Variants in DNAJB6 observed in about 807,000 individuals in gnomAD.
The protein encoded by DNAJB6 is DnaJ heat shock protein family (Hsp40) member B6.
A neutral mutation model predicts 42.7 loss-of-function variants in DNAJB6; 16 were observed. The ratio of observed to expected loss-of-function variants is 0.37; its 90% CI spans 0.25 to 0.57. The LOEUF is 0.57. Among genes scored for constraint, DNAJB6 ranks in the 20% least tolerant of loss-of-function variants. The pLI is 0.74. For synonymous variants in DNAJB6, 170 were observed against 163.5 expected, an observed-to-expected ratio of 1.04 and a Z score of -0.30; for missense variants, 347 against 416.8, an observed-to-expected ratio of 0.83 and a Z score of 1.46.
chr7:157,372,397 C>T (rs1487751930), intron 5 of DNAJB6, among the ~76,000 whole-genome samples: 6 of 152,122 alleles, frequency 3.9e-5, no homozygotes, highest in East Asian at 1.9e-4. Context: ...GCCCTGGGGA[C>T]GTAGAGGAGC....
intron 8 of DNAJB6, among the ~76,000 whole-genome samples, chr7:157,401,746 C>T (rs1301080740): frequency 3.3e-5 from 5 of 152,130 alleles, no homozygotes; most frequent in South Asian, 2.1e-4. Flanking sequence ...AAGAGGTTCC[C>T]GCCTATTAGA....
intron 1 of DNAJB6, among the ~76,000 whole-genome samples, chr7:157,342,052 A>G (rs1798417799): frequency 6.6e-6 from 1 of 152,072 alleles, no homozygotes; most frequent in Admixed American, 6.5e-5. Flanking sequence ...TATTTAGTAG[A>G]GAGTGGGTTT....
chr7:157,391,946 T>C (rs1801364312), intron 8 of DNAJB6, among the ~76,000 whole-genome samples: 1 of 151,598 alleles, frequency 6.6e-6, no homozygotes, highest in South Asian at 2.1e-4. Context: ...CTACAAAAAA[T>C]ATGAAAATTA....
chr7:157,401,373 A>ACCCCG (rs1795512352), intron 8 of DNAJB6, among the ~76,000 whole-genome samples: 1 of 151,380 alleles, frequency 6.6e-6, no homozygotes, highest in Non-Finnish European at 1.5e-5. Flanking sequence ...GCGCCACCAC[A>ACCCCG]CCCCGCTAAT....
chr7:157,384,646 C>T (rs758546424), intron 6 of DNAJB6, among the ~76,000 whole-genome samples: 3 of 152,230 alleles, frequency 2.0e-5, no homozygotes, highest in African/African-American at 7.2e-5. Context: ...AGAGGCTGCA[C>T]TCTCGCGTTG....
chr7:157,382,128 CTTAAGTTTTT>C (rs1800811916), intron 5 of DNAJB6, 108 bp from the exon 6 acceptor site: 1 of 1,184,782 alleles, frequency 8.4e-7, no homozygotes, highest in African/African-American at 1.6e-5. Context: ...GTTAAAACCT[CTTAAGTTTTT>C]TGTTCCTGAA....
intron 2 of DNAJB6, 101 bp downstream of exon 2, chr7:157,358,738 A>G (rs1799433688): frequency 6.6e-6 from 6 of 904,872 alleles, no homozygotes; most frequent in Admixed American, 5.9e-5. Flanking sequence ...CTTTTAATGT[A>G]GTATACCAGT....
At chr7:157,368,889 C>G in intron 5 of DNAJB6, 1 of 201,934 alleles carries the variant, frequency 5.0e-6, no homozygotes, top group Non-Finnish European at 1.0e-5. Flanking sequence ...AGGGGAGAAA[C>G]GTGGAGCTCC....
intron 8 of DNAJB6, among the ~76,000 whole-genome samples, chr7:157,407,712 C>T (rs926892761): frequency 8.5e-5 from 13 of 152,290 alleles, no homozygotes; most frequent in African/African-American, 3.1e-4. Context: ...GACGACACGG[C>T]CCCTTTGAGT....
chr7:157,368,803 G>T, intron 5 of DNAJB6: 1 of 166,264 alleles, frequency 6.0e-6, no homozygotes, highest in Admixed American at 5.7e-5. Context: ...ATTGCCTGGA[G>T]CTTGGGTGAA....
At chr7:157,386,219 A>G (rs1157978255) in intron 8 of DNAJB6, 1 of 978,764 alleles carries the variant, frequency 1.0e-6, no homozygotes, top group Non-Finnish European at 1.2e-6. Flanking sequence ...GCTTAGGTTT[A>G]AAAAAGTAAA....
At chr7:157,346,340 T>TAAAAAA (rs1161351133) in intron 1 of DNAJB6, among the ~76,000 whole-genome samples, 2 of 88,210 alleles carry the variant, frequency 2.3e-5, no homozygotes, top group East Asian at 4.4e-4. Flanking sequence ...AAAAAAAAGT[T>TAAAAAA]AAAGATACAA....
intron 9 of DNAJB6, chr7:157,412,020 C>G (rs1217719413): frequency 6.6e-6 from 1 of 152,206 alleles, no homozygotes; most frequent in East Asian, 1.9e-4. Flanking sequence ...GGCTTTTCCT[C>G]TCATTTGTTT....
intron 3 of DNAJB6, 67 bp downstream of exon 3, chr7:157,363,337 T>A: frequency 1.9e-6 from 2 of 1,077,270 alleles, no homozygotes; most frequent in Non-Finnish European, 2.8e-6. Flanking sequence ...GGTGTTGGGA[T>A]CCTCCTCAGG....
At chr7:157,367,949 G>A (rs1321550183) in intron 5 of DNAJB6, among the ~76,000 whole-genome samples, 1 of 151,954 alleles carries the variant, frequency 6.6e-6, no homozygotes, top group Non-Finnish European at 1.5e-5. Flanking sequence ...GTGAAACCCT[G>A]TCTCAACAAC....
At chr7:157,388,056 G>A (rs1285566669) in intron 8 of DNAJB6, among the ~76,000 whole-genome samples, 1 of 152,030 alleles carries the variant, frequency 6.6e-6, no homozygotes, top group East Asian at 1.9e-4. Context: ...ATGTTGTCAG[G>A]GCTGGTCTGG....
At position 157,350,806 on chromosome 7, in the gene DNAJB6, C is replaced by T. The variant is rs186714432; in HGVS notation, c.-26-7741C>T. 2.6e-5 allele frequency among the ~76,000 whole-genome samples: 4 copies of T among 152,088 alleles called. No homozygotes were observed. In the East Asian group the frequency reaches 7.7e-4, roughly 29 times the overall value. On this transcript the variant is annotated intron_variant, in intron 1 of 9. Transcript: ENST00000262177. ...CCAGGTTCAAGTGAGTCTCCTGCCT[C>T]AGCCTCCCGAGTCTTAGCTGGCGTT...
At chr7:157,389,432 C>T (rs1801233609) in intron 8 of DNAJB6, among the ~76,000 whole-genome samples, 1 of 152,158 alleles carries the variant, frequency 6.6e-6, no homozygotes, top group Admixed American at 6.5e-5. Flanking sequence ...GGTTTTCAAG[C>T]ACAAAATTAT....
At chr7:157,375,950 C>T (rs1303316914) in intron 5 of DNAJB6, among the ~76,000 whole-genome samples, 1 of 151,964 alleles carries the variant, frequency 6.6e-6, no homozygotes, top group African/African-American at 2.4e-5. Context: ...TTTTTTTGTT[C>T]CAGCTTTTCT....
Sources: allele counts gnomAD v4.1 joint callset (sites outside exome capture counted in the v4.1 genomes callset), GRCh38; gene constraint gnomAD v4.1.1; transcripts MANE v1.5; gene names NCBI Gene and HGNC (gene_info 2026-07-23, HGNC 2026-07-21).